KYNU: variants seen among roughly 807,000 people sequenced by gnomAD.
KYNU encodes kynureninase.
In KYNU, 54 loss-of-function variants were observed where a neutral mutation model predicts 59.2. The observed-to-expected ratio is 0.91, with a 90% confidence interval of 0.73 to 1.14. The LOEUF (loss-of-function observed/expected upper bound fraction) is 1.14. KYNU is among the 50% of genes most tolerant of loss of function. The pLI is 0.00. For missense variants in KYNU, 567 were observed against 554.4 expected, an observed-to-expected ratio of 1.02 and a Z score of -0.23; for synonymous variants, 177 against 192.0, an observed-to-expected ratio of 0.92 and a Z score of 0.65.
intron 3 of KYNU, among the ~76,000 whole-genome samples, chr2:142,925,121 T>C (rs980186395): frequency 2.6e-5 from 4 of 152,186 alleles, no homozygotes; most frequent in African/African-American, 7.2e-5. Context: ...CTAAATGTAA[T>C]AAGATGTATT....
At chr2:142,933,569 T>C (rs1161545711) in intron 4 of KYNU, among the ~76,000 whole-genome samples, 1 of 152,112 alleles carries the variant, frequency 6.6e-6, no homozygotes, top group Admixed American at 6.5e-5. Context: ...CTGTGAGCCC[T>C]TGGGTTCACG....
chr2:142,986,955 GTT>G, intron 10 of KYNU, among the ~76,000 whole-genome samples: 1 of 151,812 alleles, frequency 6.6e-6, no homozygotes, highest in East Asian at 1.9e-4. Context: ...ATTTTCTATA[GTT>G]TCTTTAATTG....
intron 2 of KYNU, among the ~76,000 whole-genome samples, chr2:142,887,168 T>TCAA (rs78289913): frequency 0.37 from 54,914 of 150,282 alleles, 10,195 homozygotes; most frequent in South Asian, 0.53. Flanking sequence ...AGGCTCCATC[T>TCAA]CAACAACAAC....
At chr2:142,993,427 A>G (rs1685457980) in intron 10 of KYNU, among the ~76,000 whole-genome samples, 1 of 152,008 alleles carries the variant, frequency 6.6e-6, no homozygotes, top group Non-Finnish European at 1.5e-5. Flanking sequence ...CGCTCTGGGA[A>G]CACACTCTTG....
At position 142,953,073 on chromosome 2, in the gene KYNU, A is replaced by G. The variant is rs77148744; in HGVS notation, c.374-1737A>G. Reference sequence around the variant, plus strand: ...TTCTGTGGTCGACAGGTTTATGCAAACCTATCCCCCAAACCGGAGGAAGCT... The same window carrying G: ...TTCTGTGGTCGACAGGTTTATGCAAGCCTATCCCCCAAACCGGAGGAAGCT... On this transcript the variant is annotated intron_variant, in intron 4 of 13. Transcript: ENST00000264170. Among the ~76,000 whole-genome samples the G allele has an allele frequency of 1.9e-3, 296 of 152,280 alleles. 1 individual carries two copies. The highest frequency in any genetic ancestry group is 3.3e-3 in the Non-Finnish European group (224 of 68,016).
chr2:143,054,542 C>T lies in KYNU; in HGVS notation c.*12370C>T, dbSNP rs187399392. ...TTGTTATGAACTTCATTGATCAATACTGATACCACTAAAAATGGAACAACA... is the reference window on the plus strand; with the variant it reads ...TTGTTATGAACTTCATTGATCAATATTGATACCACTAAAAATGGAACAACA... On this transcript the variant is annotated 3_prime_UTR_variant, in exon 14 of 14. Coordinates refer to ENST00000264170, the MANE Select transcript of KYNU (RefSeq NM_003937.3). 2.6e-5 allele frequency: 4 copies of T among 152,228 alleles called. No homozygotes were observed. Among genetic ancestry groups the T allele is most frequent in the Admixed American group, 2.6e-4 (4 of 15,298 alleles). The allele number at this position is 152,228 out of a possible 1,614,324, so 9.4% of individuals were successfully genotyped here. A position where few individuals can be genotyped will look rare whatever the true frequency, so the allele number is the denominator to read the frequency against.
intron 4 of KYNU, among the ~76,000 whole-genome samples, chr2:142,944,485 A>G (rs1028981285): frequency 6.6e-6 from 1 of 152,226 alleles, no homozygotes. Context: ...CTTGACATTT[A>G]TTGCAGTGAG....
At chr2:143,027,796 T>C (rs1311730600) in intron 10 of KYNU, among the ~76,000 whole-genome samples, 1 of 152,176 alleles carries the variant, frequency 6.6e-6, no homozygotes, top group Non-Finnish European at 1.5e-5. Flanking sequence ...ATTTTGGAAA[T>C]GTCATAATTA....
intron 2 of KYNU, among the ~76,000 whole-genome samples, chr2:142,892,034 C>T (rs181416746): frequency 3.0e-4 from 45 of 152,146 alleles, no homozygotes; most frequent in Admixed American, 2.9e-3. Context: ...CTCCTCAGCC[C>T]CCCAATTAGG....
At chr2:142,938,214 T>A (rs964676111) in intron 4 of KYNU, among the ~76,000 whole-genome samples, 2 of 152,256 alleles carry the variant, frequency 1.3e-5, no homozygotes, top group Non-Finnish European at 2.9e-5. Context: ...GTCTGGTCTG[T>A]GGGGTCCTAG....
chr2:142,940,005 C>G (rs351687), intron 4 of KYNU, among the ~76,000 whole-genome samples: 4,137 of 152,290 alleles, frequency 0.027, 184 homozygotes, highest in Admixed American at 0.11. Context: ...AGTGGATTCT[C>G]AAAACACAGT....
At chr2:142,991,851 T>C (rs1051529473) in intron 10 of KYNU, among the ~76,000 whole-genome samples, 1 of 151,940 alleles carries the variant, frequency 6.6e-6, no homozygotes, top group Admixed American at 6.6e-5. Flanking sequence ...TTTTAGCCCT[T>C]ATTTTCATCT....
At chr2:142,879,848 G>A (rs908849299) in intron 1 of KYNU, among the ~76,000 whole-genome samples, 2 of 152,158 alleles carry the variant, frequency 1.3e-5, no homozygotes, top group Admixed American at 1.3e-4. Context: ...AAGGAAAGTT[G>A]AATTTTATTC....
chr2:142,918,274 T>C (rs752530042), intron 2 of KYNU, among the ~76,000 whole-genome samples: 73 of 152,214 alleles, frequency 4.8e-4, no homozygotes, highest in Non-Finnish European at 8.5e-4. Context: ...TTAGATAGGC[T>C]GATGTATTTC....
chr2:142,944,046 T>G (rs1323135454), intron 4 of KYNU, among the ~76,000 whole-genome samples: 1 of 152,248 alleles, frequency 6.6e-6, no homozygotes, highest in East Asian at 1.9e-4. Flanking sequence ...CAGAGGGAAG[T>G]TGGTTAAGAT....
At position 143,040,573 on chromosome 2, in the gene KYNU, T is replaced by C; in HGVS notation, c.1187T>C (p.Val396Ala). 6.2e-7 allele frequency: 1 copy of C among 1,612,962 alleles called. No homozygotes were observed. The highest frequency in any genetic ancestry group is 1.1e-5 in the South Asian group (1 of 91,024). ...PVVNIITPSH[V>A]EERGCQLTIT... ...GTGAACATAATTACTCCGTCTCATG[T>C]AGAGGAGCGGGGGTGCCAGCTAACA... is the stretch of plus-strand genomic sequence containing the variant. Residue 396 changes from valine (V) to alanine (A), a missense_variant, in exon 13 of 14, where the codon GTA becomes GCA. Transcript: ENST00000264170.
At chr2:142,883,453 C>T (rs1238594721) in intron 1 of KYNU, among the ~76,000 whole-genome samples, 2 of 152,068 alleles carry the variant, frequency 1.3e-5, no homozygotes, top group African/African-American at 2.4e-5. Context: ...CTGCCTCTGC[C>T]TCCCAAAGTG....
At chr2:142,929,562 C>T (rs1241355197) in intron 4 of KYNU, among the ~76,000 whole-genome samples, 2 of 152,018 alleles carry the variant, frequency 1.3e-5, no homozygotes, top group Non-Finnish European at 2.9e-5. Flanking sequence ...CTCAAGAGGT[C>T]CTAAGAACAT....
chr2:142,939,670 C>A (rs1683525399), intron 4 of KYNU, among the ~76,000 whole-genome samples: 2 of 148,580 alleles, frequency 1.3e-5, no homozygotes, highest in Admixed American at 1.3e-4. Flanking sequence ...ACCGAAAATT[C>A]TCCGTTCTAT....
Sources: allele counts gnomAD v4.1 joint callset (sites outside exome capture counted in the v4.1 genomes callset), GRCh38; gene constraint gnomAD v4.1.1; transcripts MANE v1.5; gene names NCBI Gene and HGNC (gene_info 2026-07-23, HGNC 2026-07-21).